BPTF: variants seen among roughly 807,000 people sequenced by gnomAD.
The protein encoded by BPTF is nucleosome-remodeling factor subunit BPTF.
BPTF carries 18 observed loss-of-function variants against 292.5 expected under a neutral mutation model. The observed-to-expected ratio is 0.06, with a 90% CI of 0.04 to 0.09. The LOEUF (loss-of-function observed/expected upper bound fraction) is 0.09, where lower values mean the gene tolerates loss of function less well. Ranked by LOEUF, BPTF falls within the 10% of genes least tolerant of loss-of-function variation. The probability of loss-of-function intolerance (pLI) is 1.00; values close to 1 mark genes in which losing one functional copy is unlikely to be tolerated. For synonymous variants in BPTF, 1,225 were observed against 1,251.9 expected, an observed-to-expected ratio of 0.98 and a Z score of 0.45; for missense variants, 2,726 against 3,498.7, an observed-to-expected ratio of 0.78 and a Z score of 5.57.
chr17:67,968,569 G>C (rs1357834846), intron 26 of BPTF, among the ~76,000 whole-genome samples: 1 of 151,118 alleles, frequency 6.6e-6, no homozygotes, highest in African/African-American at 2.5e-5. Context: ...ACGAGGTCAG[G>C]AGATCGAGAC....
intron 7 of BPTF, among the ~76,000 whole-genome samples, chr17:67,901,665 A>G (rs1436748640): frequency 1.3e-5 from 2 of 152,244 alleles, no homozygotes; most frequent in Admixed American, 6.5e-5. Context: ...ATAAAAAATG[A>G]TTACTTCTCT....
chr17:67,872,492 G>T (rs1598360037), intron 3 of BPTF, among the ~76,000 whole-genome samples: 1 of 152,066 alleles, frequency 6.6e-6, no homozygotes, highest in South Asian at 2.1e-4. Flanking sequence ...GATCACCTGA[G>T]GTCAGGAGTT....
rs559369322 is a variant in BPTF, at chr17:67,908,306, G to A, written c.2813-1276G>A. On this transcript the variant is annotated intron_variant, in intron 9 of 27. Coordinates refer to ENST00000306378, the MANE Select transcript of BPTF (RefSeq NM_182641.4). ...CCCAAGTAGCTGGGACTACAGGCTC[G>A]TACCACCATGACTGGCTAATTTTTG... Among the ~76,000 whole-genome samples the A allele has an allele frequency of 2.6e-5, 4 of 151,896 alleles. No individual in the cohort carries two copies. In the East Asian group the frequency reaches 7.8e-4, roughly 29 times the overall value.
At chr17:67,905,437 T>C (rs1245496312) in intron 9 of BPTF, among the ~76,000 whole-genome samples, 1 of 151,348 alleles carries the variant, frequency 6.6e-6, no homozygotes, top group African/African-American at 2.4e-5. Context: ...CCAGCCACAG[T>C]GGCTTACACC....
chr17:67,933,894 AC>A (rs2064662568), intron 18 of BPTF, among the ~76,000 whole-genome samples: 1 of 151,622 alleles, frequency 6.6e-6, no homozygotes, highest in Non-Finnish European at 1.5e-5. Flanking sequence ...CCCCATCTCT[AC>A]TAAAAATATA....
In BPTF at chr17:67,982,558, AAAG is replaced by A. The variant is rs1348646939; in HGVS notation, c.*273_*275del. ...GAGAAAACTTTGTTTATTGAAAAAAAAAGAAAAAGAAAGCAAGAAAAAAAGATA... is the reference window on the plus strand; with the variant it reads ...GAGAAAACTTTGTTTATTGAAAAAAAAAAAAGAAAGCAAGAAAAAAAGATA... On this transcript the variant is annotated 3_prime_UTR_variant, in exon 28 of 28. Transcript: ENST00000306378. 2 of 329,982 alleles carry A rather than the reference AAAG, an allele frequency of 6.1e-6. No individual in the cohort carries two copies. The highest frequency in any genetic ancestry group is 2.1e-5 in the African/African-American group (1 of 46,750). 20.4% of individuals were successfully genotyped at this position (329,982 alleles called of 1,614,324 possible). A position where few individuals can be genotyped will look rare whatever the true frequency, so the allele number is the denominator to read the frequency against.
intron 24 of BPTF, chr17:67,960,103 A>G: frequency 2.3e-6 from 1 of 432,168 alleles, no homozygotes; most frequent in Non-Finnish European, 4.1e-6. Context: ...TTTTCTGTCA[A>G]AAACAAGCTT....
intron 17 of BPTF, among the ~76,000 whole-genome samples, chr17:67,931,138 G>A (rs1250753517): frequency 3.3e-5 from 5 of 152,106 alleles, no homozygotes; most frequent in Admixed American, 2.6e-4. Context: ...GGTGGCACAC[G>A]CCTGTGATCC....
intron 12 of BPTF, among the ~76,000 whole-genome samples, chr17:67,919,109 T>A (rs911365272): frequency 1.5e-4 from 23 of 150,658 alleles, no homozygotes; most frequent in Admixed American, 6.0e-4. Flanking sequence ...GAGGCGGAGC[T>A]TACAGTGAGC....
Position 67,875,031 on chromosome 17 carries a change from T to C in BPTF, c.1864+11T>C. 1 of 1,591,720 alleles carries C rather than the reference T, an allele frequency of 6.3e-7. No homozygotes were observed. The highest frequency in any genetic ancestry group is 8.5e-7 in the Non-Finnish European group (1 of 1,170,630). On this transcript the variant is annotated intron_variant, in intron 4 of 27. Transcript: ENST00000306378. Reference sequence around the variant, plus strand: ...AAGGAAAATCTGAGGGTAAAAAAATTACTTGATTAAAAAGAAATATTTCAT... The same window carrying C: ...AAGGAAAATCTGAGGGTAAAAAAATCACTTGATTAAAAAGAAATATTTCAT...
chr17:67,982,128 C>T, intron 27 of BPTF, 124 bp from the exon 28 acceptor site: 1 of 869,254 alleles, frequency 1.2e-6, no homozygotes, highest in Non-Finnish European at 1.9e-6. Context: ...TATTCGCTTG[C>T]CAAGGGTGAA....
intron 19 of BPTF, among the ~76,000 whole-genome samples, chr17:67,942,492 CAT>C (rs1164189286): frequency 6.6e-6 from 1 of 152,146 alleles, no homozygotes; most frequent in African/African-American, 2.4e-5. Context: ...TTAGCAAAGA[CAT>C]AGAGCAGAAA....
Position 67,912,767 on chromosome 17 carries a change from C to T in BPTF, c.4883C>T (p.Thr1628Ile). The T allele has an allele frequency of 6.2e-7, 1 of 1,614,116 alleles. No individual in the cohort carries two copies. The highest frequency in any genetic ancestry group is 8.5e-7 in the Non-Finnish European group (1 of 1,180,024). Reference sequence around the variant, plus strand: ...TGTGCAAAATCCACTGTCACAACCACCACTACAACAGTGACCAAGCTTTCC... The same window carrying T: ...TGTGCAAAATCCACTGTCACAACCATCACTACAACAGTGACCAAGCTTTCC... ...ENCAKSTVTT[T>I]TTTVTKLSTP... The change falls in exon 11 of 28, where the codon ACC (threonine) becomes ATC (isoleucine). Residue 1628 changes from threonine to isoleucine, a missense_variant. Physicochemically the swap from Thr to Ile is moderately conservative, Grantham distance 89 (BLOSUM62 -1). Around this residue, in one of 22 missense-constraint regions of BPTF, gnomAD observed 144 missense variants for 177.2 expected, o/e 0.81. Transcript: ENST00000306378.
chr17:67,929,354 A>G lies in BPTF; in HGVS notation c.6017A>G (p.Gln2006Arg). 3.1e-6 allele frequency: 5 copies of G among 1,613,988 alleles called. No individual in the cohort carries two copies. Among genetic ancestry groups the G allele is most frequent in the Non-Finnish European group, 4.2e-6 (5 of 1,179,974 alleles). ...QSNSGVVQVQQKVLGIIPSST... is the reference protein window; with the variant it reads ...QSNSGVVQVQRKVLGIIPSST... ...TTTTAAGGCGTTGTTCAAGTACAGC[A>G]GAAAGTCCTGGGTATCATTCCATCA... The change falls in exon 17 of 28, where the codon CAG becomes CGG. Residue 2006 changes from glutamine (Q) to arginine (R), a missense_variant. By Grantham distance (43) the Gln-to-Arg change is conservative. Around this residue, in one of 22 missense-constraint regions of BPTF, gnomAD observed 198 missense variants for 277.1 expected, o/e 0.71. Coordinates refer to ENST00000306378, the MANE Select transcript of BPTF (RefSeq NM_182641.4).
chr17:67,918,856 T>C lies in BPTF; in HGVS notation c.5428+18T>C, dbSNP rs767479098. The C allele has an allele frequency of 3.4e-5, 54 of 1,609,988 alleles. No individual in the cohort carries two copies. Among genetic ancestry groups the C allele is most frequent in the Non-Finnish European group, 4.4e-5 (52 of 1,177,516 alleles). ...ACGGACAGGTAAGGGGGAAGGGAGT[T>C]ATTTTCTAATTTAAGTTTAAAAGCT... is the stretch of plus-strand genomic sequence containing the variant. On this transcript the variant is annotated intron_variant, in intron 12 of 27. Coordinates refer to ENST00000306378, the MANE Select transcript of BPTF (RefSeq NM_182641.4).
At chr17:67,909,948 C>G (rs1178168521) in intron 10 of BPTF, among the ~76,000 whole-genome samples, 187 bp downstream of exon 10, 1 of 152,194 alleles carries the variant, frequency 6.6e-6, no homozygotes, top group Non-Finnish European at 1.5e-5. Flanking sequence ...TCACAAAGTT[C>G]AACCATTATT....
chr17:67,890,079 A>C (rs1222242475), intron 4 of BPTF, among the ~76,000 whole-genome samples: 1 of 152,232 alleles, frequency 6.6e-6, no homozygotes, highest in African/African-American at 2.4e-5. Flanking sequence ...TTCTAGACCT[A>C]CTTTTGAATT....
Position 67,903,936 on chromosome 17 carries a change from C to G in BPTF, c.2673+18C>G. 3 of 1,570,170 alleles carry G rather than the reference C, an allele frequency of 1.9e-6. No homozygotes were observed. Among genetic ancestry groups the G allele is most frequent in the Non-Finnish European group, 2.6e-6 (3 of 1,166,460 alleles). On this transcript the variant is annotated intron_variant, in intron 8 of 27. Coordinates refer to ENST00000306378, the MANE Select transcript of BPTF (RefSeq NM_182641.4). ...AGCATCAGGTAATTTTTACAACAAC[C>G]CTTTAAAATAGTGTTAGCCATTTCT...
At chr17:67,913,244 A>G (rs2062764461) in intron 11 of BPTF, 57 bp downstream of exon 11, 1 of 1,497,666 alleles carries the variant, frequency 6.7e-7, no homozygotes. Flanking sequence ...GAATTATCTC[A>G]CAAGAATATC....
Sources: allele counts gnomAD v4.1 joint callset (sites outside exome capture counted in the v4.1 genomes callset), GRCh38; gene constraint gnomAD v4.1.1; regional missense constraint gnomAD v4.1.1; transcripts MANE v1.5; gene names NCBI Gene and HGNC (gene_info 2026-07-23, HGNC 2026-07-21).